CBFA2T2: variants seen among roughly 807,000 people sequenced by gnomAD.
The protein encoded by CBFA2T2 is protein CBFA2T2.
A neutral mutation model predicts 62.2 loss-of-function variants in CBFA2T2; 11 were observed. That is an observed-to-expected ratio of 0.18 (90% CI 0.11 to 0.29). The LOEUF is 0.29. Among genes scored for constraint, CBFA2T2 ranks in the 10% least tolerant of loss-of-function variants. The pLI is 1.00. For synonymous variants in CBFA2T2, 295 were observed against 287.5 expected (o/e 1.03, Z -0.27); for missense variants, 592 against 774.1 (o/e 0.76, Z 2.79).
At chr20:33,620,411 A>G (rs1010766337) in intron 4 of CBFA2T2, among the ~76,000 whole-genome samples, 3 of 152,210 alleles carry the variant, frequency 2.0e-5, no homozygotes, top group Admixed American at 2.0e-4. Flanking sequence ...AGGCTGAGGC[A>G]GGAGAATCAC....
intron 8 of CBFA2T2, among the ~76,000 whole-genome samples, chr20:33,636,190 C>T (rs889257323): frequency 4.9e-5 from 7 of 141,656 alleles, no homozygotes; most frequent in Non-Finnish European, 1.0e-4. Context: ...ACCCGGGAGG[C>T]AGAGGTTGCA....
At chr20:33,529,532 A>G (rs2011985248) in intron 1 of CBFA2T2, among the ~76,000 whole-genome samples, 1 of 151,740 alleles carries the variant, frequency 6.6e-6, no homozygotes, top group Non-Finnish European at 1.5e-5. Flanking sequence ...TGGGAGGCCA[A>G]GGCTGAGGCA....
chr20:33,612,404 TCTCC>T (rs2015563143), intron 3 of CBFA2T2, among the ~76,000 whole-genome samples: 1 of 152,186 alleles, frequency 6.6e-6, no homozygotes, highest in Non-Finnish European at 1.5e-5. Context: ...AAGCTGCAGC[TCTCC>T]GAGTGTAAAT....
chr20:33,562,755 C>T (rs1036741500), intron 1 of CBFA2T2: 18 of 778,676 alleles, frequency 2.3e-5, no homozygotes, highest in African/African-American at 3.8e-5. Flanking sequence ...TTTCAAATTA[C>T]GATGATATGA....
At chr20:33,628,235 A>T (rs1387944488) in intron 6 of CBFA2T2, 115 bp from the exon 7 acceptor site, 5 of 709,708 alleles carry the variant, frequency 7.0e-6, no homozygotes, top group Non-Finnish European at 1.3e-5. Flanking sequence ...ATTGTGAATC[A>T]TTGCCTTAGT....
At chr20:33,606,524 C>G (rs2015346593) in intron 1 of CBFA2T2, among the ~76,000 whole-genome samples, 2 of 152,186 alleles carry the variant, frequency 1.3e-5, no homozygotes, top group Admixed American at 1.3e-4. Context: ...CCCCTTCTCC[C>G]TCCTGGCTTG....
chr20:33,497,229 C>T (rs528406128), intron 1 of CBFA2T2, among the ~76,000 whole-genome samples: 5 of 145,820 alleles, frequency 3.4e-5, no homozygotes, highest in East Asian at 2.0e-4. Context: ...GCAGAGATCA[C>T]GCCATTGCAC....
At chr20:33,585,093 A>C (rs550381275) in intron 1 of CBFA2T2, among the ~76,000 whole-genome samples, 1 of 152,162 alleles carries the variant, frequency 6.6e-6, no homozygotes, top group South Asian at 2.1e-4. Flanking sequence ...TTGTTCCCTC[A>C]ACCCAAACTA....
chr20:33,558,584 C>T (rs182400363), intron 1 of CBFA2T2, among the ~76,000 whole-genome samples: 1 of 152,052 alleles, frequency 6.6e-6, no homozygotes, highest in East Asian at 1.9e-4. Flanking sequence ...GTTCCTGTGT[C>T]CCCTCAATGT....
intron 8 of CBFA2T2, among the ~76,000 whole-genome samples, chr20:33,631,174 C>A (rs773979859): frequency 6.6e-6 from 1 of 152,120 alleles, no homozygotes; most frequent in African/African-American, 2.4e-5. Context: ...ATTAGCCAGG[C>A]GTGGTGGCGG....
intron 1 of CBFA2T2, among the ~76,000 whole-genome samples, chr20:33,515,609 C>T (rs1445712715): frequency 6.6e-6 from 1 of 151,660 alleles, no homozygotes; most frequent in Non-Finnish European, 1.5e-5. Flanking sequence ...TGAGACCAGC[C>T]TGACAAACAT....
At chr20:33,638,062 C>T (rs2016693885) in intron 9 of CBFA2T2, among the ~76,000 whole-genome samples, 1 of 150,230 alleles carries the variant, frequency 6.7e-6, no homozygotes, top group Admixed American at 6.7e-5. Context: ...GCAACCTCCA[C>T]CTCCCAGGTT....
intron 1 of CBFA2T2, chr20:33,600,504 A>G (rs766391195): frequency 2.4e-6 from 1 of 416,350 alleles, no homozygotes; most frequent in South Asian, 1.7e-5. Flanking sequence ...TTCTTACCAT[A>G]TGACAATTAC....
intron 1 of CBFA2T2, among the ~76,000 whole-genome samples, chr20:33,528,194 A>G (rs1371413591): frequency 1.3e-5 from 2 of 152,136 alleles, no homozygotes; most frequent in East Asian, 3.8e-4. Flanking sequence ...CTGATTCTTC[A>G]AAGTTTACTT....
chr20:33,500,436 C>G (rs957761755), intron 1 of CBFA2T2, among the ~76,000 whole-genome samples: 1 of 151,954 alleles, frequency 6.6e-6, no homozygotes. Flanking sequence ...AGGCCAGGCG[C>G]GGTGGCTCAC....
Position 33,644,225 on chromosome 20 carries a change from G to A in CBFA2T2, c.1489-122G>A, listed in dbSNP as rs530880109. On this transcript the variant is annotated intron_variant, in intron 10 of 10. Transcript: ENST00000342704. Reference sequence around the variant, plus strand: ...GCAGTAGAGGGCGGAGTTGACCACAGGTGTATGTAGTTCCAAAGCTGGGGT... The same window carrying A: ...GCAGTAGAGGGCGGAGTTGACCACAAGTGTATGTAGTTCCAAAGCTGGGGT... 29 of 1,037,614 alleles carry A rather than the reference G, an allele frequency of 2.8e-5. No homozygotes were observed. The African/African-American group carries it at 3.0e-4, about 11-fold the overall frequency. The allele number at this position is 1,037,614 out of a possible 1,614,324, so 64.3% of individuals were successfully genotyped here.
intron 1 of CBFA2T2, among the ~76,000 whole-genome samples, chr20:33,524,902 T>C (rs988901963): frequency 1.3e-5 from 2 of 152,200 alleles, no homozygotes; most frequent in African/African-American, 4.8e-5. Context: ...TGGCACGATC[T>C]CAGCTCACTG....
rs199760817 is a variant in CBFA2T2 at position 33,545,010 on chromosome 20, TAGAACAGAAC to T, written c.34+54714_34+54723del. On this transcript the variant is annotated intron_variant, in intron 1 of 10. Transcript: ENST00000342704. ...TAGAATAGAATAGAATAGAATAGAA[TAGAACAGAAC>T]AGAATGCAAGGTAGACAGGCAGTCC... Among the ~76,000 whole-genome samples, 216 of 114,020 alleles carry T rather than the reference TAGAACAGAAC, an allele frequency of 1.9e-3. 3 individuals are homozygous for T. The highest frequency in any genetic ancestry group is 7.0e-3 in the African/African-American group (210 of 30,022). The allele number at this position is 114,020 out of a possible 152,430, so 74.8% of individuals were successfully genotyped here.
intron 10 of CBFA2T2, among the ~76,000 whole-genome samples, chr20:33,643,911 A>G (rs1173641030): frequency 1.4e-5 from 2 of 147,854 alleles, no homozygotes; most frequent in Non-Finnish European, 3.0e-5. Context: ...ACATGCAGAA[A>G]GGAGTAGGAT....
Sources: gnomAD v4.1 joint callset for allele counts (sites outside exome capture counted in the v4.1 genomes callset) on GRCh38, gnomAD v4.1.1 for gene constraint, MANE v1.5 for transcripts, NCBI Gene and HGNC (gene_info 2026-07-23, HGNC 2026-07-21) for gene names.